Variants in VPS13B observed in about 807,000 individuals in gnomAD.
VPS13B encodes vacuolar protein sorting 13 homolog B.
A neutral mutation model predicts 426.4 loss-of-function variants in VPS13B; 285 were observed. The ratio of observed to expected loss-of-function variants is 0.67; its 90% CI spans 0.61 to 0.74. The LOEUF (loss-of-function observed/expected upper bound fraction) is 0.74, where lower values mean the gene tolerates loss of function less well. Ranked by LOEUF, VPS13B falls within the 30% of genes least tolerant of loss-of-function variation. The pLI is 0.00. For missense variants in VPS13B, 4,537 were observed against 4,782.6 expected (o/e 0.95, Z 1.51); for synonymous variants, 1,676 against 1,676.4 (o/e 1.00, Z 0.01).
chr8:99,045,182 T>C (rs1843172135), intron 3 of VPS13B, among the ~76,000 whole-genome samples: 1 of 152,214 alleles, frequency 6.6e-6, no homozygotes. Context: ...AGTGTAGAAG[T>C]GTTCCTGGTT....
At chr8:99,015,631 C>T (rs1451230053) in intron 2 of VPS13B, among the ~76,000 whole-genome samples, 1 of 151,706 alleles carries the variant, frequency 6.6e-6, no homozygotes. Context: ...AGGCCGGGCA[C>T]GGTGGTTCAC....
chr8:99,450,717 G>GA (rs869190466), intron 23 of VPS13B, among the ~76,000 whole-genome samples: 1 of 151,342 alleles, frequency 6.6e-6, no homozygotes, highest in Admixed American at 6.6e-5. Context: ...GTCTTAAAAA[G>GA]AAAAAAAAAT....
intron 58 of VPS13B, chr8:99,868,020 C>G: frequency 2.4e-6 from 1 of 417,850 alleles, no homozygotes; most frequent in Non-Finnish European, 4.5e-6. Context: ...CTCTGAATAG[C>G]CTGACAGGTT....
intron 17 of VPS13B, among the ~76,000 whole-genome samples, chr8:99,260,424 A>G (rs1011797122): frequency 3.9e-5 from 6 of 152,106 alleles, no homozygotes; most frequent in Admixed American, 3.3e-4. Flanking sequence ...CTGGTGTGCT[A>G]AAGATAAGCA....
intron 30 of VPS13B, among the ~76,000 whole-genome samples, chr8:99,532,837 TCAG>T (rs1490835183): frequency 6.6e-6 from 1 of 151,126 alleles, no homozygotes; most frequent in Non-Finnish European, 1.5e-5. Context: ...ACACACTTCT[TCAG>T]CAGAAATTTA....
intron 35 of VPS13B, among the ~76,000 whole-genome samples, chr8:99,686,126 T>C (rs577581818): frequency 1.2e-4 from 18 of 152,320 alleles, no homozygotes; most frequent in African/African-American, 3.8e-4. Context: ...TGGTGCCACC[T>C]TGATGGTCTT....
chr8:99,014,604 C>A (rs1471325045), intron 2 of VPS13B, among the ~76,000 whole-genome samples: 1 of 149,924 alleles, frequency 6.7e-6, no homozygotes, highest in Non-Finnish European at 1.5e-5. Flanking sequence ...TGGAAAACAT[C>A]ACATTCTCAT....
At chr8:99,409,495 C>A (rs924778319) in intron 21 of VPS13B, among the ~76,000 whole-genome samples, 2 of 152,210 alleles carry the variant, frequency 1.3e-5, no homozygotes, top group East Asian at 3.9e-4. Flanking sequence ...ATATTTAAAT[C>A]ATACATTCAG....
chr8:99,701,995 A>G (rs972534651), intron 36 of VPS13B, among the ~76,000 whole-genome samples: 2 of 152,170 alleles, frequency 1.3e-5, no homozygotes, highest in Admixed American at 6.5e-5. Flanking sequence ...TATTTTTAAA[A>G]TAAAACATAA....
chr8:99,365,965 TTTG>T (rs201645564), intron 19 of VPS13B, among the ~76,000 whole-genome samples: 2,825 of 152,004 alleles, frequency 0.019, 57 homozygotes, highest in Non-Finnish European at 0.027. Flanking sequence ...TCTCAGGTTT[TTTG>T]TTGTTTTTTT....
intron 44 of VPS13B, among the ~76,000 whole-genome samples, chr8:99,812,711 T>C (rs777594513): frequency 6.6e-6 from 1 of 152,228 alleles, no homozygotes; most frequent in South Asian, 2.1e-4. Context: ...AAACCTTTAC[T>C]ACTCTAAAAT....
rs1266851441 is a variant in VPS13B, at chr8:99,762,880, A to G, written c.7051-3894A>G. The stretch of plus-strand genomic sequence containing the variant: ...AGGCCTGGCACAGTGGGTCACACCT[A>G]CAATCCCAGCACTTTGAGAGGCCAA... On this transcript the variant is annotated intron_variant, in intron 39 of 61. Transcript: ENST00000357162. Among the ~76,000 whole-genome samples the G allele has an allele frequency of 3.3e-5, 5 of 152,102 alleles. No individual in the cohort carries two copies. The East Asian group carries it at 7.7e-4, about 23-fold the overall frequency.
intron 17 of VPS13B, among the ~76,000 whole-genome samples, chr8:99,193,564 TC>T (rs1046772586): frequency 6.6e-6 from 1 of 152,130 alleles, no homozygotes; most frequent in Non-Finnish European, 1.5e-5. Context: ...ATCTTATCAC[TC>T]AGTTTGCATG....
chr8:99,550,033 A>G (rs1824195872), intron 30 of VPS13B, among the ~76,000 whole-genome samples: 1 of 152,080 alleles, frequency 6.6e-6, no homozygotes, highest in Non-Finnish European at 1.5e-5. Context: ...TAAATCCCAC[A>G]TTAGACTGTA....
chr8:99,864,933 T>C lies in VPS13B; in HGVS notation c.11215+2987T>C, dbSNP rs1817016781. Among the ~76,000 whole-genome samples, 4 of 152,244 alleles carry C rather than the reference T, an allele frequency of 2.6e-5. No individual in the cohort carries two copies. The South Asian group carries it at 8.3e-4, about 32-fold the overall frequency. On this transcript the variant is annotated intron_variant, in intron 58 of 61. Transcript: ENST00000357162. ...CAAGTTCCAGTGTAGGAAAAACACA[T>C]TTCCCCCAAATGTTTACGGGTTCGG...
At chr8:99,391,512 T>TG in intron 20 of VPS13B, 45 bp from the exon 21 acceptor site, 5 of 1,613,656 alleles carry the variant, frequency 3.1e-6, no homozygotes, top group Non-Finnish European at 4.2e-6. Context: ...TAAGAAATAG[T>TG]GAAAAACTAA....
At chr8:99,774,836 A>G (rs553708745) in intron 40 of VPS13B, among the ~76,000 whole-genome samples, 1 of 152,340 alleles carries the variant, frequency 6.6e-6, no homozygotes, top group South Asian at 2.1e-4. Flanking sequence ...TACTGTGCCC[A>G]TTATAGATGT....
intron 26 of VPS13B, 42 bp downstream of exon 26, chr8:99,501,900 C>T (rs1821253484): frequency 2.2e-6 from 2 of 918,412 alleles, no homozygotes; most frequent in Non-Finnish European, 3.0e-6. Context: ...CCCTCTGTCC[C>T]TCCCTCCCTC....
chr8:99,609,314 A>C (rs1021572124), intron 33 of VPS13B, among the ~76,000 whole-genome samples: 1 of 152,230 alleles, frequency 6.6e-6, no homozygotes, highest in Non-Finnish European at 1.5e-5. Flanking sequence ...CACATTGGTT[A>C]ATATTACCAC....
Sources: gnomAD v4.1 joint callset for allele counts (sites outside exome capture counted in the v4.1 genomes callset) on GRCh38, gnomAD v4.1.1 for gene constraint, MANE v1.5 for transcripts, NCBI Gene and HGNC (gene_info 2026-07-23, HGNC 2026-07-21) for gene names.